Variants in MCC observed in about 807,000 individuals in gnomAD.
MCC encodes the protein colorectal mutant cancer protein.
A neutral mutation model predicts 116.2 loss-of-function variants in MCC; 90 were observed. The ratio of observed to expected loss-of-function variants is 0.77; its 90% CI spans 0.65 to 0.92. MCC has a LOEUF of 0.92. Among genes scored for constraint, MCC ranks in the 40% least tolerant of loss-of-function variants. The pLI, the probability that MCC is intolerant of heterozygous loss-of-function variation, is 0.00. For missense variants in MCC, 1,516 were observed against 1,312.2 expected, an observed-to-expected ratio of 1.16 and a Z score of -2.40; for synonymous variants, 578 against 510.5, an observed-to-expected ratio of 1.13 and a Z score of -1.78.
At chr5:113,187,692 T>C (rs1761958288) in intron 3 of MCC, among the ~76,000 whole-genome samples, 1 of 150,728 alleles carries the variant, frequency 6.6e-6, no homozygotes, top group South Asian at 2.1e-4. Context: ...GAGGCGGAGC[T>C]TGCAGTGAGC....
At chr5:113,034,855 T>G (rs1250858031) in intron 17 of MCC, among the ~76,000 whole-genome samples, 1 of 152,242 alleles carries the variant, frequency 6.6e-6, no homozygotes, top group African/African-American at 2.4e-5. Context: ...GCTCATGGCT[T>G]GCACAAGGCC....
At chr5:113,145,522 G>A (rs1759441336) in intron 4 of MCC, among the ~76,000 whole-genome samples, 1 of 152,066 alleles carries the variant, frequency 6.6e-6, no homozygotes, top group Non-Finnish European at 1.5e-5. Context: ...CACCTGGGCT[G>A]ACAAGAAACT....
intron 3 of MCC, among the ~76,000 whole-genome samples, chr5:113,225,305 C>T (rs6865129): frequency 0.49 from 75,066 of 152,058 alleles, 21,885 homozygotes; most frequent in East Asian, 0.71. Flanking sequence ...AGCCACCAAC[C>T]TAAAGATCTC....
chr5:113,226,100 C>G (rs114122894), intron 3 of MCC, among the ~76,000 whole-genome samples: 9 of 152,228 alleles, frequency 5.9e-5, no homozygotes, highest in Admixed American at 2.0e-4. Flanking sequence ...TGCTTGAACC[C>G]GCAAGGCGAA....
At chr5:113,463,086 G>A (rs1771789744) in intron 1 of MCC, among the ~76,000 whole-genome samples, 1 of 152,222 alleles carries the variant, frequency 6.6e-6, no homozygotes, top group African/African-American at 2.4e-5. Context: ...ACAGCTGGAT[G>A]TATCCAGTGC....
At chr5:113,064,854 G>T (rs1285742494) in intron 13 of MCC, among the ~76,000 whole-genome samples, 1 of 152,134 alleles carries the variant, frequency 6.6e-6, no homozygotes, top group East Asian at 1.9e-4. Flanking sequence ...CATTCCTATT[G>T]TGATTTAAGA....
chr5:113,480,985 C>G (rs949649535), intron 1 of MCC, among the ~76,000 whole-genome samples: 1 of 152,140 alleles, frequency 6.6e-6, no homozygotes, highest in African/African-American at 2.4e-5. Flanking sequence ...CCATGTTGCT[C>G]AGGCTCGTCT....
Position 113,300,152 on chromosome 5 carries a change from T to G in MCC, c.627+40367A>C, listed in dbSNP as rs10434755. On this transcript the variant is annotated intron_variant, in intron 3 of 18. Transcript: ENST00000408903. ...TCTATTCTGGGTCTGGTCTGTACCC[T>G]CTACTGGTGATAAACATCAGGTTAA... is the stretch of plus-strand genomic sequence containing the variant. Among the ~76,000 whole-genome samples the G allele has an allele frequency of 2.3e-3, 346 of 152,278 alleles. 8 individuals are homozygous for G. The East Asian group carries it at 0.059, about 26-fold the overall frequency.
At chr5:113,132,457 CACACACACACACACACACACAT>C (rs1561385354) in intron 5 of MCC, among the ~76,000 whole-genome samples, 1 of 134,836 alleles carries the variant, frequency 7.4e-6, no homozygotes, top group African/African-American at 3.1e-5. Context: ...CACACACACA[CACACACACACACACACACACAT>C]ACATATATAT....
intron 3 of MCC, among the ~76,000 whole-genome samples, chr5:113,338,110 A>T (rs1003709533): frequency 1.3e-5 from 2 of 152,238 alleles, no homozygotes; most frequent in African/African-American, 4.8e-5. Flanking sequence ...GGGTCTGTGA[A>T]TTCAAATGGT....
chr5:113,226,958 C>T (rs1258454079), intron 3 of MCC, among the ~76,000 whole-genome samples: 1 of 152,126 alleles, frequency 6.6e-6, no homozygotes, highest in Non-Finnish European at 1.5e-5. Flanking sequence ...CTATACCTGA[C>T]TTGTATATTA....
intron 3 of MCC, among the ~76,000 whole-genome samples, chr5:113,211,245 G>C (rs1763124620): frequency 6.6e-6 from 1 of 152,166 alleles, no homozygotes; most frequent in Admixed American, 6.5e-5. Context: ...TGAGAAGGTG[G>C]CTGTCTATAA....
At chr5:113,163,779 T>C (rs1042948649) in intron 3 of MCC, among the ~76,000 whole-genome samples, 8 of 152,204 alleles carry the variant, frequency 5.3e-5, no homozygotes, top group African/African-American at 1.9e-4. Context: ...CAAATATCTG[T>C]CAGACATTTC....
At chr5:113,154,548 T>A (rs1426290058) in intron 3 of MCC, among the ~76,000 whole-genome samples, 4 of 152,220 alleles carry the variant, frequency 2.6e-5, no homozygotes, top group Non-Finnish European at 5.9e-5. Flanking sequence ...TGGCACTCCC[T>A]GTCCCACTGC....
chr5:113,249,612 C>T (rs1020553376), intron 3 of MCC, among the ~76,000 whole-genome samples: 2 of 152,116 alleles, frequency 1.3e-5, no homozygotes, highest in Non-Finnish European at 2.9e-5. Context: ...TCTTGGCTCA[C>T]CCCCCAAAAA....
intron 3 of MCC, among the ~76,000 whole-genome samples, chr5:113,322,873 T>C (rs971216200): frequency 1.3e-5 from 2 of 152,198 alleles, no homozygotes; most frequent in African/African-American, 4.8e-5. Flanking sequence ...CATCTCCCAG[T>C]ATTCATTTCC....
rs979961523 is a variant in MCC, at chr5:113,235,547, T to C, written c.628-84125A>G. On this transcript the variant is annotated intron_variant, in intron 3 of 18. Coordinates refer to ENST00000408903, the MANE Select transcript of MCC (RefSeq NM_001085377.2). Reference sequence around the variant, plus strand: ...CTCTATCATGCATACAGGAACTGAGTGGGGAAACACAAATAAAATGGTGAA... The same window carrying C: ...CTCTATCATGCATACAGGAACTGAGCGGGGAAACACAAATAAAATGGTGAA... 3.9e-5 allele frequency among the ~76,000 whole-genome samples: 6 copies of C among 152,242 alleles called. No individual in the cohort carries two copies. The East Asian group carries it at 5.8e-4, about 15-fold the overall frequency.
At chr5:113,335,581 TGGTA>T (rs1581408228) in intron 3 of MCC, among the ~76,000 whole-genome samples, 1 of 151,844 alleles carries the variant, frequency 6.6e-6, no homozygotes, top group East Asian at 1.9e-4. Context: ...CATTATTTCC[TGGTA>T]ATACAAATCT....
At chr5:113,231,796 C>T (rs1763949462) in intron 3 of MCC, among the ~76,000 whole-genome samples, 1 of 152,108 alleles carries the variant, frequency 6.6e-6, no homozygotes, top group African/African-American at 2.4e-5. Flanking sequence ...TGCTGATATC[C>T]AGTGGGTTTT....
Sources: gnomAD v4.1 joint callset for allele counts (sites outside exome capture counted in the v4.1 genomes callset) on GRCh38, gnomAD v4.1.1 for gene constraint, MANE v1.5 for transcripts, NCBI Gene and HGNC (gene_info 2026-07-23, HGNC 2026-07-21) for gene names.